The following MAPK4 variants were observed in gnomAD, a reference collection of about 807,000 sequenced individuals.
MAPK4 encodes the protein mitogen-activated protein kinase 4.
A neutral mutation model predicts 47.7 loss-of-function variants in MAPK4; 22 were observed. The ratio of observed to expected loss-of-function variants is 0.46; its 90% CI spans 0.33 to 0.66. The LOEUF is 0.66. Ranked by LOEUF, MAPK4 falls within the 30% of genes least tolerant of loss-of-function variation. MAPK4 has a pLI of 0.02. For missense variants in MAPK4, 736 were observed against 831.7 expected, an observed-to-expected ratio of 0.88 and a Z score of 1.42; for synonymous variants, 390 against 365.7, an observed-to-expected ratio of 1.07 and a Z score of -0.76.
intron 5 of MAPK4, 146 bp from the exon 6 acceptor site, chr18:50,729,012 C>T (rs932216961): frequency 2.9e-6 from 2 of 692,352 alleles, no homozygotes; most frequent in Non-Finnish European, 4.9e-6. Flanking sequence ...CAAGGCTCGC[C>T]ATTACCTGTC....
chr18:50,687,222 A>C (rs1166507371), intron 2 of MAPK4, among the ~76,000 whole-genome samples: 1 of 152,038 alleles, frequency 6.6e-6, no homozygotes, highest in Non-Finnish European at 1.5e-5. Context: ...ACAGGTTCTC[A>C]CTGCATTGCC....
intron 1 of MAPK4, among the ~76,000 whole-genome samples, chr18:50,644,183 G>C (rs954629576): frequency 6.6e-6 from 1 of 151,996 alleles, no homozygotes; most frequent in African/African-American, 2.4e-5. Context: ...GAGGGAAGGG[G>C]GGAACAACAT....
At chr18:50,717,506 AG>A (rs1171781651) in intron 3 of MAPK4, among the ~76,000 whole-genome samples, 1 of 152,102 alleles carries the variant, frequency 6.6e-6, no homozygotes, top group African/African-American at 2.4e-5. Context: ...GTGAGGGAGT[AG>A]GATAGCCTTA....
At chr18:50,606,653 T>A (rs2042585701) in intron 1 of MAPK4, among the ~76,000 whole-genome samples, 1 of 152,212 alleles carries the variant, frequency 6.6e-6, no homozygotes, top group African/African-American at 2.4e-5. Context: ...AAACTTTTTC[T>A]TAAAGGACTA....
At chr18:50,720,365 AATACTCATTCCAAGTATAAATAATC>A (rs1278174946) in intron 3 of MAPK4, among the ~76,000 whole-genome samples, 1 of 152,134 alleles carries the variant, frequency 6.6e-6, no homozygotes, top group African/African-American at 2.4e-5. Context: ...GACTCCTTAT[AATACTCATTCCAAGTATAAATAATC>A]ATCCTCATTC....
chr18:50,676,901 A>T (rs1185592695), intron 2 of MAPK4, among the ~76,000 whole-genome samples: 1 of 152,200 alleles, frequency 6.6e-6, no homozygotes, highest in East Asian at 1.9e-4. Context: ...CATTTTTTTA[A>T]AATAGACTTG....
intron 2 of MAPK4, among the ~76,000 whole-genome samples, chr18:50,676,817 A>C (rs1305401950): frequency 6.6e-6 from 1 of 152,272 alleles, no homozygotes; most frequent in Non-Finnish European, 1.5e-5. Flanking sequence ...TAATAATAGT[A>C]AGTTTGAAAA....
chr18:50,682,875 A>T (rs144206246), intron 2 of MAPK4, among the ~76,000 whole-genome samples: 41 of 152,370 alleles, frequency 2.7e-4, no homozygotes, highest in Non-Finnish European at 5.4e-4. Context: ...CTTTCCATAA[A>T]GTGGAGTCAC....
chr18:50,697,554 A>G (rs1909580635), intron 2 of MAPK4, among the ~76,000 whole-genome samples: 1 of 152,244 alleles, frequency 6.6e-6, no homozygotes, highest in African/African-American at 2.4e-5. Context: ...CTGTTCAGCA[A>G]AATGAGAGAC....
chr18:50,642,522 A>C (rs2042949813), intron 1 of MAPK4, among the ~76,000 whole-genome samples: 1 of 152,172 alleles, frequency 6.6e-6, no homozygotes, highest in African/African-American at 2.4e-5. Context: ...AATTGCCTAA[A>C]CTCAAGTAAT....
rs117476440 is a variant in MAPK4 at position 50,686,113 on chromosome 18, C to T, written c.546+21609C>T. ...GGAACAGCAAAACAAAAATAAGCCTCGTTAGGAGTCGTGTTACTCTTTGGT... is the reference window on the plus strand; with the variant it reads ...GGAACAGCAAAACAAAAATAAGCCTTGTTAGGAGTCGTGTTACTCTTTGGT... On this transcript the variant is annotated intron_variant, in intron 2 of 5. Transcript: ENST00000400384. Among the ~76,000 whole-genome samples, 439 of 152,166 alleles carry T rather than the reference C, an allele frequency of 2.9e-3. 12 individuals carry two copies. In the East Asian group the frequency reaches 0.039, roughly 14 times the overall value.
chr18:50,716,248 C>T (rs536105659), intron 3 of MAPK4, among the ~76,000 whole-genome samples: 7 of 152,160 alleles, frequency 4.6e-5, no homozygotes, highest in African/African-American at 9.7e-5. Context: ...CCCAAACTGC[C>T]GTGTTCTTAA....
intron 2 of MAPK4, among the ~76,000 whole-genome samples, chr18:50,671,876 T>C (rs1907975011): frequency 7.0e-6 from 1 of 142,820 alleles, no homozygotes; most frequent in Admixed American, 7.2e-5. Context: ...GGCCACAGAG[T>C]GAGACCCTGA....
At chr18:50,674,573 G>A (rs549484357) in intron 2 of MAPK4, among the ~76,000 whole-genome samples, 1 of 152,282 alleles carries the variant, frequency 6.6e-6, no homozygotes, top group East Asian at 1.9e-4. Context: ...CATACCCAGT[G>A]ACAGCTCTGG....
intron 1 of MAPK4, among the ~76,000 whole-genome samples, chr18:50,624,832 G>A (rs1011690431): frequency 4.6e-5 from 7 of 151,984 alleles, no homozygotes; most frequent in African/African-American, 1.2e-4. Flanking sequence ...TGCCTGCCTG[G>A]TACAGCTGCC....
rs146384559 is a variant in MAPK4 at position 50,708,880 on chromosome 18, A to G, written c.547-6199A>G. ...GCCTCAGTTTCCTCCCTGTAAAATA[A>G]CTATGATGAGAGTCCCTACCTCATG... On this transcript the variant is annotated intron_variant, in intron 2 of 5. Transcript: ENST00000400384. Among the ~76,000 whole-genome samples the G allele has an allele frequency of 1.9e-3, 292 of 152,302 alleles. 1 individual carries two copies. Among genetic ancestry groups the G allele is most frequent in the African/African-American group, 6.8e-3 (281 of 41,554 alleles).
chr18:50,621,403 T>G, intron 1 of MAPK4, among the ~76,000 whole-genome samples: 1 of 152,192 alleles, frequency 6.6e-6, no homozygotes, highest in East Asian at 1.9e-4. Context: ...GCAATATCTA[T>G]GTGAGCAGGA....
At chr18:50,585,073 C>T (rs1333150065) in intron 1 of MAPK4, among the ~76,000 whole-genome samples, 1 of 152,196 alleles carries the variant, frequency 6.6e-6, no homozygotes. Flanking sequence ...CTAAATTACG[C>T]TAAGTTTCTG....
chr18:50,708,638 C>T (rs537719125), intron 2 of MAPK4, among the ~76,000 whole-genome samples: 2 of 152,200 alleles, frequency 1.3e-5, no homozygotes, highest in Non-Finnish European at 2.9e-5. Flanking sequence ...GCACATCTCT[C>T]CACGAGACTG....
Sources: gnomAD v4.1 joint callset for allele counts (sites outside exome capture counted in the v4.1 genomes callset) on GRCh38, gnomAD v4.1.1 for gene constraint, MANE v1.5 for transcripts, NCBI Gene and HGNC (gene_info 2026-07-23, HGNC 2026-07-21) for gene names.